Variants in BCAS3 observed in about 807,000 individuals in gnomAD.
The protein encoded by BCAS3 is BCAS3 microtubule associated cell migration factor.
Under a neutral mutation model 116.1 loss-of-function variants are expected in BCAS3, and 53 were observed. That is an observed-to-expected ratio of 0.46 (90% CI 0.37 to 0.57). The LOEUF is 0.57. Among genes scored for constraint, BCAS3 ranks in the 20% least tolerant of loss-of-function variants. The pLI is 0.00. For missense variants in BCAS3, 917 were observed against 1,165.4 expected (o/e 0.79, Z 3.10); for synonymous variants, 391 against 408.2 (o/e 0.96, Z 0.51).
At chr17:61,297,678 C>T (rs561470126) in intron 22 of BCAS3, among the ~76,000 whole-genome samples, 3 of 151,876 alleles carry the variant, frequency 2.0e-5, no homozygotes, top group Admixed American at 1.3e-4. Context: ...CCTCAGTGGT[C>T]GATGGGCAGA....
intron 22 of BCAS3, among the ~76,000 whole-genome samples, chr17:61,201,298 G>A (rs1289153037): frequency 6.6e-6 from 1 of 152,216 alleles, no homozygotes; most frequent in African/African-American, 2.4e-5. Flanking sequence ...GAGCACTGAA[G>A]TGTGTGTGTT....
intron 6 of BCAS3, among the ~76,000 whole-genome samples, chr17:60,777,027 AAAAAAC>A (rs933018044): frequency 6.6e-6 from 1 of 151,834 alleles, no homozygotes; most frequent in African/African-American, 2.4e-5. Flanking sequence ...AAAAAAAAAA[AAAAAAC>A]AAATGAAGTA....
chr17:61,208,990 A>T lies in BCAS3; in HGVS notation c.2425+124426A>T, dbSNP rs186915559. Among the ~76,000 whole-genome samples, 745 of 152,270 alleles carry T rather than the reference A, an allele frequency of 4.9e-3. 18 individuals carry two copies. Among genetic ancestry groups the T allele is most frequent in the Admixed American group, 0.034 (527 of 15,288 alleles). ...GAATTATACCTCTGGTTGGTTCAAA[A>T]TTGCTTAAATGTTGAAACATATGGT... On this transcript the variant is annotated intron_variant, in intron 22 of 23. Coordinates refer to ENST00000407086, the MANE Select transcript of BCAS3 (RefSeq NM_017679.5). The surrounding 1 kb of genome is among the most constrained non-coding windows in gnomAD (Gnocchi z 4.5).
chr17:60,886,824 T>C (rs1434076512), intron 9 of BCAS3, among the ~76,000 whole-genome samples: 2 of 151,892 alleles, frequency 1.3e-5, no homozygotes, highest in African/African-American at 4.8e-5. Context: ...AGCTGCGTGC[T>C]GGGAGAACCA....
chr17:60,761,250 A>G lies in BCAS3; in HGVS notation c.403+13971A>G, dbSNP rs559234509. 7.9e-5 allele frequency among the ~76,000 whole-genome samples: 12 copies of G among 152,148 alleles called. No homozygotes were observed. In the South Asian group the frequency reaches 2.5e-3, roughly 32 times the overall value. On this transcript the variant is annotated intron_variant, in intron 6 of 23. Coordinates refer to ENST00000407086, the MANE Select transcript of BCAS3 (RefSeq NM_017679.5). ...TATTATACTTTAAGTTCTAGGGTAC[A>G]TGTGCACAAAGTGCAGGTTTGTTGC...
At chr17:61,072,203 G>T (rs1438771513) in intron 19 of BCAS3, among the ~76,000 whole-genome samples, 1 of 152,072 alleles carries the variant, frequency 6.6e-6, no homozygotes, top group Non-Finnish European at 1.5e-5. Context: ...GGGCAGAGAG[G>T]ATCTTTCTCC....
rs537521191 is a variant in BCAS3 at position 60,905,317 on chromosome 17, A to G, written c.822+2614A>G. ...ACAATATAAGCTGGTTTATCACTCAAGATCAATGAGCATAATTTGCACATT... is the reference window on the plus strand; with the variant it reads ...ACAATATAAGCTGGTTTATCACTCAGGATCAATGAGCATAATTTGCACATT... On this transcript the variant is annotated intron_variant, in intron 11 of 23. Transcript: ENST00000407086. Among the ~76,000 whole-genome samples, 4 of 152,340 alleles carry G rather than the reference A, an allele frequency of 2.6e-5. No homozygotes were observed. In the South Asian group the frequency reaches 8.3e-4, roughly 32 times the overall value.
rs1204581060 is a variant in BCAS3 at position 61,084,665 on chromosome 17, G to GT, written c.2425+108dup. 49 of 1,009,426 alleles carry GT rather than the reference G, an allele frequency of 4.9e-5. No individual in the cohort carries two copies. The highest frequency in any genetic ancestry group is 6.6e-5 in the Non-Finnish European group (44 of 665,236). The allele number at this position is 1,009,426 out of a possible 1,614,324, so 62.5% of individuals were successfully genotyped here. A position where few individuals can be genotyped will look rare whatever the true frequency, so the allele number is the denominator to read the frequency against. Reference sequence around the variant, plus strand: ...ATGACATTTATTTGCTTTCCTCTCTGTTTTTTTGTTTTGTGGTGTGTGTGC... The same window carrying GT: ...ATGACATTTATTTGCTTTCCTCTCTGTTTTTTTTGTTTTGTGGTGTGTGTGC... On this transcript the variant is annotated intron_variant, in intron 22 of 23. Coordinates refer to ENST00000407086, the MANE Select transcript of BCAS3 (RefSeq NM_017679.5). This position sits in a 1 kb window ranked among gnomAD's most constrained non-coding sequence, Gnocchi z 5.5.
chr17:61,079,882 A>ATTTTTTT, intron 21 of BCAS3, among the ~76,000 whole-genome samples: 1 of 65,882 alleles, frequency 1.5e-5, no homozygotes, highest in South Asian at 4.5e-4. Context: ...AGGCATGAGT[A>ATTTTTTT]TTTTTTTTTT....
Position 61,124,920 on chromosome 17 carries a change from A to G in BCAS3, c.2425+40356A>G, listed in dbSNP as rs1386159048. Among the ~76,000 whole-genome samples, 1 of 152,210 alleles carries G rather than the reference A, an allele frequency of 6.6e-6. No homozygotes were observed. The highest frequency in any genetic ancestry group is 1.5e-5 in the Non-Finnish European group (1 of 68,040). On this transcript the variant is annotated intron_variant, in intron 22 of 23. Coordinates refer to ENST00000407086, the MANE Select transcript of BCAS3 (RefSeq NM_017679.5). The surrounding 1 kb of genome is among the most constrained non-coding windows in gnomAD (Gnocchi z 4.6). ...GAATATTGGCTTCCTGGAAATAGAT[A>G]CAGGTGACAATGGCAAAGTGAGGAG...
intron 6 of BCAS3, among the ~76,000 whole-genome samples, chr17:60,799,236 T>TA (rs1235431111): frequency 2.6e-5 from 4 of 152,194 alleles, no homozygotes; most frequent in African/African-American, 7.2e-5. Flanking sequence ...TGTCTTCCAT[T>TA]AAAAAAATCT....
At chr17:60,812,913 A>T (rs562016721) in intron 7 of BCAS3, among the ~76,000 whole-genome samples, 3 of 152,068 alleles carry the variant, frequency 2.0e-5, no homozygotes, top group Middle Eastern at 3.4e-3. Flanking sequence ...ATTAAAAAAA[A>T]TTTCTTTTTT....
chr17:61,344,934 T>TACAC lies in BCAS3; in HGVS notation c.2426-23382_2426-23379dup, dbSNP rs375725996. 3.5e-5 allele frequency among the ~76,000 whole-genome samples: 5 copies of TACAC among 142,912 alleles called. No homozygotes were observed. The highest frequency in any genetic ancestry group is 6.4e-5 in the Non-Finnish European group (4 of 62,770). The allele number at this position is 142,912 out of a possible 152,430, so 93.8% of individuals were successfully genotyped here. ...TCGGAAATACACACACACACACACATACACACACACACACGCACACCCCTC... is the reference window on the plus strand; with the variant it reads ...TCGGAAATACACACACACACACACATACACACACACACACACACGCACACCCCTC... On this transcript the variant is annotated intron_variant, in intron 22 of 23. Coordinates refer to ENST00000407086, the MANE Select transcript of BCAS3 (RefSeq NM_017679.5). The surrounding 1 kb of genome is among the most constrained non-coding windows in gnomAD (Gnocchi z 4.1).
rs1700818683 is a variant in BCAS3, at chr17:61,220,326, T to C, written c.2425+135762T>C. ...AAACAAAAAACAAAAAAACTGAAGT[T>C]TTCTCATTTGATGGAGTCACAATAA... is the stretch of plus-strand genomic sequence containing the variant. On this transcript the variant is annotated intron_variant, in intron 22 of 23. Coordinates refer to ENST00000407086, the MANE Select transcript of BCAS3 (RefSeq NM_017679.5). The surrounding 1 kb of genome is among the most constrained non-coding windows in gnomAD (Gnocchi z 4.5). Among the ~76,000 whole-genome samples the C allele has an allele frequency of 6.7e-6, 1 of 149,468 alleles. No homozygotes were observed. The highest frequency in any genetic ancestry group is 1.5e-5 in the Non-Finnish European group (1 of 67,270).
intron 7 of BCAS3, among the ~76,000 whole-genome samples, chr17:60,838,619 G>GCAA (rs1263727049): frequency 6.6e-6 from 1 of 152,060 alleles, no homozygotes; most frequent in East Asian, 1.9e-4. Flanking sequence ...GTTCACTGTG[G>GCAA]CAACTAAACT....
In BCAS3 at chr17:61,271,424, A is replaced by ATTTTTTTTTTTTTTTTTTT. The variant is rs71148400; in HGVS notation, c.2426-96890_2426-96889insTTTTTTTTTTTTTTTTTTT. Among the ~76,000 whole-genome samples, 49 of 70,228 alleles carry ATTTTTTTTTTTTTTTTTTT rather than the reference A, an allele frequency of 7.0e-4. 15 individuals carry two copies. The highest frequency in any genetic ancestry group is 1.4e-3 in the South Asian group (2 of 1,420). The allele number at this position is 70,228 out of a possible 152,430, so 46.1% of individuals were successfully genotyped here. A position where few individuals can be genotyped will look rare whatever the true frequency, so the allele number is the denominator to read the frequency against. ...TACAGGTGTAAGCCACCATGCCCGG[A>ATTTTTTTTTTTTTTTTTTT]TTTTTTTTTTTTTGTCTTAGGTGGA... is the stretch of plus-strand genomic sequence containing the variant. On this transcript the variant is annotated intron_variant, in intron 22 of 23. Transcript: ENST00000407086.
chr17:60,948,556 C>G (rs1361936100), intron 14 of BCAS3, among the ~76,000 whole-genome samples: 1 of 152,160 alleles, frequency 6.6e-6, no homozygotes, highest in Non-Finnish European at 1.5e-5. Context: ...TGTTATTCTA[C>G]AAGATAGCCA....
chr17:61,044,461 A>ATATATATATATATATATATATATAT (rs1288025712), intron 19 of BCAS3, among the ~76,000 whole-genome samples: 1 of 127,178 alleles, frequency 7.9e-6, no homozygotes, highest in African/African-American at 4.8e-5. Context: ...AAAAAAAAAA[A>ATATATATATATATATATATATATAT]AAAAATATAT....
chr17:60,750,810 A>G (rs1243584508), intron 6 of BCAS3, among the ~76,000 whole-genome samples: 1 of 151,980 alleles, frequency 6.6e-6, no homozygotes, highest in African/African-American at 2.4e-5. Context: ...TGCTTTTGTT[A>G]TTTCCTCTTC....
Sources: allele counts gnomAD v4.1 joint callset (sites outside exome capture counted in the v4.1 genomes callset), GRCh38; gene constraint gnomAD v4.1.1; non-coding constraint Gnocchi (gnomAD v3.1); transcripts MANE v1.5; gene names NCBI Gene and HGNC (gene_info 2026-07-23, HGNC 2026-07-21).